ADCY6: variants seen among roughly 807,000 people sequenced by gnomAD.
ADCY6 encodes the protein adenylate cyclase 6, also known as adenylate cyclase type 6.
ADCY6 carries 59 observed loss-of-function variants against 111.6 expected under a neutral mutation model. That is an observed-to-expected ratio of 0.53 (90% CI 0.43 to 0.66). The LOEUF (loss-of-function observed/expected upper bound fraction) is 0.66, where lower values mean the gene tolerates loss of function less well. ADCY6 is among the 30% of genes least tolerant of loss of function. ADCY6 has a pLI of 0.00. For synonymous variants in ADCY6, 576 were observed against 642.9 expected, an observed-to-expected ratio of 0.90 and a Z score of 1.57; for missense variants, 1,242 against 1,595.6, an observed-to-expected ratio of 0.78 and a Z score of 3.78.
rs1023470388 is a variant in ADCY6, at chr12:48,771,820, T to C, written c.2941A>G (p.Met981Val). Residue 981 changes from methionine (M) to valine (V), a missense_variant, in exon 19 of 22, where the codon ATG (methionine) becomes GTG (valine). By Grantham distance (21) the Met-to-Val change is conservative (BLOSUM62 1). This residue lies in a region of ADCY6 where 245 missense variants were observed against 371.3 expected (regional missense o/e 0.66). Transcript: ENST00000357869. The surrounding 1 kb of genome is among the most constrained non-coding windows in gnomAD (Gnocchi z 4.3). ...GAGAAGTTGGCAATGGAGGCAAACATAACAGCCACACACTCACACGACTGA... is the reference window on the plus strand; with the variant it reads ...GAGAAGTTGGCAATGGAGGCAAACACAACAGCCACACACTCACACGACTGA... ...YYQSCECVAV[M>V]FASIANFSEF... is the part of the protein sequence containing the mutation. The C allele has an allele frequency of 2.5e-6, 4 of 1,614,182 alleles. No homozygotes were observed. The South Asian group carries it at 4.4e-5, about 18-fold the overall frequency.
At position 48,783,195 on chromosome 12, in the gene ADCY6, C is replaced by CT. The variant is rs748743797; in HGVS notation, c.239dup (p.Glu81GlyfsTer25). Reference sequence around the variant, plus strand: ...GGGCCACTGCCCGCAGCCCCAGCTCCTTGCCCTTGCCTGGGCCGCCCCTCC... The same window carrying CT: ...GGGCCACTGCCCGCAGCCCCAGCTCCTTTGCCCTTGCCTGGGCCGCCCCTCC... On this transcript the variant is annotated frameshift_variant, in exon 2 of 22. Coordinates refer to ENST00000357869, the MANE Select transcript of ADCY6 (RefSeq NM_015270.5). LOFTEE classifies it high-confidence loss of function. The CT allele has an allele frequency of 1.2e-6, 2 of 1,607,072 alleles. No homozygotes were observed. Among genetic ancestry groups the CT allele is most frequent in the Non-Finnish European group, 8.5e-7 (1 of 1,179,694 alleles).
chr12:48,777,577 C>T lies in ADCY6; in HGVS notation c.1136+38G>A, dbSNP rs776413504. ...ACATAGCCCTCAAAGACTTCCAGAC[C>T]CCCCGCCCTGCTGGGCATCCTCCTA... On this transcript the variant is annotated intron_variant, in intron 4 of 21. Transcript: ENST00000357869. This position sits in a 1 kb window ranked among gnomAD's most constrained non-coding sequence, Gnocchi z 4.9. The T allele has an allele frequency of 1.2e-6, 2 of 1,612,686 alleles. No individual in the cohort carries two copies. The highest frequency in any genetic ancestry group is 1.7e-6 in the Non-Finnish European group (2 of 1,179,916).
rs1941606513 is a variant in ADCY6, at chr12:48,773,516, T to C, written c.2574A>G (p.Pro858=). 1 of 1,613,934 alleles carries C rather than the reference T, an allele frequency of 6.2e-7. No individual in the cohort carries two copies. Among genetic ancestry groups the C allele is most frequent in the Admixed American group, 1.7e-5 (1 of 60,008 alleles). Residue 858 remains proline (P), a synonymous_variant, in exon 16 of 22, where the codon CCA becomes CCG. Coordinates refer to ENST00000357869, the MANE Select transcript of ADCY6 (RefSeq NM_015270.5). ...GGTCATAGTTGTCAAAGATGGTGGC[T>C]GGGGGACCCAGCAGAAGCAGCACCA... ...IYLVLLLLGP[P]ATIFDNYDLL...
chr12:48,775,181 C>T (rs1194483450), intron 11 of ADCY6, 122 bp downstream of exon 11: 11 of 1,493,104 alleles, frequency 7.4e-6, no homozygotes, highest in South Asian at 2.4e-5. Flanking sequence ...GAAATCCTCA[C>T]CCTGCTCTGT....
At chr12:48,784,592 T>C (rs926709314) in intron 1 of ADCY6, among the ~76,000 whole-genome samples, 1 of 150,374 alleles carries the variant, frequency 6.7e-6, no homozygotes. Context: ...CCAGCAGCTG[T>C]AGACTGTTGC....
chr12:48,771,744 C>T lies in ADCY6; in HGVS notation c.3017G>A (p.Arg1006Gln), dbSNP rs1941551005. The change falls in exon 19 of 22, where the codon CGG becomes CAG. Residue 1006 changes from arginine (R) to glutamine (Q), a missense_variant. Arg to Gln is a conservative substitution (Grantham distance 43). This residue lies in a region of ADCY6 where 245 missense variants were observed against 371.3 expected (regional missense o/e 0.66). Coordinates refer to ENST00000357869, the MANE Select transcript of ADCY6 (RefSeq NM_015270.5). The surrounding 1 kb of genome is among the most constrained non-coding windows in gnomAD (Gnocchi z 4.3). ...EANNEGVECL[R>Q]LLNEIIADFD... ...GTCAGCGATGATCTCGTTGAGCAGC[C>T]GCAGGCACTCGACACCCTCATTGTT... 1.2e-6 allele frequency: 2 copies of T among 1,614,178 alleles called. No homozygotes were observed. The highest frequency in any genetic ancestry group is 1.7e-6 in the Non-Finnish European group (2 of 1,180,036).
In ADCY6 at chr12:48,769,072, G is replaced by A. The variant is rs1304607785; in HGVS notation, c.3257-11C>T. 2 of 1,606,490 alleles carry A rather than the reference G, an allele frequency of 1.2e-6. No individual in the cohort carries two copies. Among genetic ancestry groups the A allele is most frequent in the South Asian group, 1.1e-5 (1 of 89,462 alleles). On this transcript the variant is annotated splice_polypyrimidine_tract_variant and intron_variant, in intron 20 of 21. Transcript: ENST00000357869. ...GGCCCATGTTCAGCCCTGAGGTGGA[G>A]AGAACAGCAAGAGACTAGTGGATGC...
rs757078292 is a variant in ADCY6, at chr12:48,766,622, A to T, written c.*1969T>A. On this transcript the variant is annotated 3_prime_UTR_variant, in exon 22 of 22. Coordinates refer to ENST00000357869, the MANE Select transcript of ADCY6 (RefSeq NM_015270.5). ...TCCCCTCCTTCTGCCATGACTAATG[A>T]AGTACCTGATGGCCCATTTGGTTGA... is the stretch of plus-strand genomic sequence containing the variant. 3 of 152,674 alleles carry T rather than the reference A, an allele frequency of 2.0e-5. No homozygotes were observed. The highest frequency in any genetic ancestry group is 4.4e-5 in the Non-Finnish European group (3 of 68,068). 9.5% of individuals were successfully genotyped at this position (152,674 alleles called of 1,614,324 possible). A position where few individuals can be genotyped will look rare whatever the true frequency, so the allele number is the denominator to read the frequency against.
intron 1 of ADCY6, among the ~76,000 whole-genome samples, chr12:48,787,228 C>A (rs959125889): frequency 6.6e-6 from 1 of 152,110 alleles, no homozygotes; most frequent in African/African-American, 2.4e-5. Context: ...AGTCCCCTTC[C>A]CTGTTCTTAT....
intron 9 of ADCY6, 23 bp downstream of exon 9, chr12:48,775,940 G>A (rs757884878): frequency 1.9e-5 from 30 of 1,584,884 alleles, no homozygotes; most frequent in South Asian, 1.1e-5. Context: ...GAGGCCCTAG[G>A]TCTGGTGCTG....
Position 48,773,551 on chromosome 12 carries a change from G to A in ADCY6, c.2539C>T (p.Leu847Phe). 1 of 1,614,120 alleles carries A rather than the reference G, an allele frequency of 6.2e-7. No individual in the cohort carries two copies. The highest frequency in any genetic ancestry group is 8.5e-7 in the Non-Finnish European group (1 of 1,180,012). ...AGCAGAAGCAGCACCAAATAGATGA[G>A]CCCCAAGACAAAGATCATGGCCAAC... Reference protein sequence around the residue: ...GKLAMIFVLGLIYLVLLLLGP... With the variant: ...GKLAMIFVLGFIYLVLLLLGP... The change falls in exon 16 of 22, where the codon CTC becomes TTC. Residue 847 changes from leucine (L) to phenylalanine (F), a missense_variant. Physicochemically the swap from Leu to Phe is conservative, Grantham distance 22. Coordinates refer to ENST00000357869, the MANE Select transcript of ADCY6 (RefSeq NM_015270.5).
chr12:48,775,575 C>G, intron 10 of ADCY6, 98 bp downstream of exon 10: 1 of 1,577,584 alleles, frequency 6.3e-7, no homozygotes, highest in Non-Finnish European at 8.7e-7. Flanking sequence ...CCTGCTCCCA[C>G]ACAACACTCC....
intron 21 of ADCY6, 87 bp from the exon 22 acceptor site, chr12:48,768,803 T>C: frequency 6.4e-7 from 1 of 1,566,686 alleles, no homozygotes; most frequent in East Asian, 2.3e-5. Context: ...TCAGGCTAGC[T>C]CCCTTCCCCC....
intron 18 of ADCY6, 90 bp downstream of exon 18, chr12:48,772,205 C>A: frequency 6.6e-7 from 1 of 1,519,084 alleles, no homozygotes; most frequent in Non-Finnish European, 8.8e-7. Context: ...GTGGCCTGAG[C>A]CTTAGCCAGC....
chr12:48,773,702 G>A (rs1941613782), intron 15 of ADCY6, 55 bp from the exon 16 acceptor site: 1 of 1,602,264 alleles, frequency 6.2e-7, no homozygotes, highest in Non-Finnish European at 8.5e-7. Flanking sequence ...AGCACCCTTG[G>A]GCAGGGAGAG....
Position 48,773,760 on chromosome 12 carries a change from C to G in ADCY6, c.2443-113G>C, listed in dbSNP as rs886727330. On this transcript the variant is annotated intron_variant, in intron 15 of 21. Transcript: ENST00000357869. ...TAACCTTCCCACCACACCCCTCAAA[C>G]CCCCATATCCTCCACCTTCCATGCC... 8 of 1,464,236 alleles carry G rather than the reference C, an allele frequency of 5.5e-6. No homozygotes were observed. In the African/African-American group the frequency reaches 8.4e-5, roughly 15 times the overall value. The allele number at this position is 1,464,236 out of a possible 1,614,324, so 90.7% of individuals were successfully genotyped here. A position where few individuals can be genotyped will look rare whatever the true frequency, so the allele number is the denominator to read the frequency against.
intron 2 of ADCY6, among the ~76,000 whole-genome samples, chr12:48,778,609 G>A (rs935771937): frequency 1.3e-4 from 20 of 152,262 alleles, no homozygotes; most frequent in Middle Eastern, 3.4e-3. Flanking sequence ...CCTTTTGCAG[G>A]TGCTCCTCCT....
At chr12:48,785,474 C>G (rs1363765779) in intron 1 of ADCY6, among the ~76,000 whole-genome samples, 4 of 152,156 alleles carry the variant, frequency 2.6e-5, no homozygotes, top group Non-Finnish European at 5.9e-5. Flanking sequence ...ACAAAATTAG[C>G]CAGGCATGGT....
At chr12:48,775,204 A>G (rs761418018) in intron 11 of ADCY6, 99 bp downstream of exon 11, 10 of 1,547,374 alleles carry the variant, frequency 6.5e-6, no homozygotes, top group Non-Finnish European at 8.8e-6. Flanking sequence ...TCCCTTCTCC[A>G]TCCCCCAGAA....
Sources: allele counts gnomAD v4.1 joint callset (sites outside exome capture counted in the v4.1 genomes callset), GRCh38; gene constraint gnomAD v4.1.1; regional missense constraint gnomAD v4.1.1; non-coding constraint Gnocchi (gnomAD v3.1); transcripts MANE v1.5; gene names NCBI Gene and HGNC (gene_info 2026-07-23, HGNC 2026-07-21).